The following TEX9 variants were observed in gnomAD, a reference collection of about 807,000 sequenced individuals.
TEX9 encodes the protein testis expressed 9, also known as testis-expressed protein 9.
TEX9 carries 74 observed loss-of-function variants against 59.6 expected under a neutral mutation model. The observed-to-expected ratio is 1.24, with a 90% confidence interval of 1.03 to 1.51. The LOEUF (loss-of-function observed/expected upper bound fraction) is 1.51. TEX9 is among the 40% of genes most tolerant of loss of function. The probability of loss-of-function intolerance (pLI) is 0.00; values close to 1 mark genes in which losing one functional copy is unlikely to be tolerated. For synonymous variants in TEX9, 186 were observed against 152.2 expected (o/e 1.22, Z -1.64); for missense variants, 522 against 447.8 (o/e 1.17, Z -1.49).
At chr15:56,447,922 G>A (rs2050919878), downstream of TEX9, among the ~76,000 whole-genome samples, 1 of 151,978 alleles carries the variant, frequency 6.6e-6, no homozygotes, top group Non-Finnish European at 1.5e-5. Flanking sequence ...ATTTTTCTCT[G>A]GCTTCTTTCA....
intron 1 of TEX9, among the ~76,000 whole-genome samples, chr15:56,279,735 T>C (rs1216112690): frequency 6.6e-6 from 1 of 152,200 alleles, no homozygotes; most frequent in East Asian, 1.9e-4. Flanking sequence ...AAAAGGTATG[T>C]ATTCATATTT....
At position 56,245,874 on chromosome 15, in the gene TEX9, G is replaced by A. The variant is rs563589464; in HGVS notation, c.-107+1596G>A. Reference sequence around the variant, plus strand: ...ATCTTGAATGTAGGTATATATATACGTGTGTGTGTGTATGCCCTATATCAC... The same window carrying A: ...ATCTTGAATGTAGGTATATATATACATGTGTGTGTGTATGCCCTATATCAC... On this transcript the variant is annotated intron_variant, in intron 1 of 5. Coordinates refer to the TEX9 transcript ENST00000560827. Among the ~76,000 whole-genome samples, 35 of 151,954 alleles carry A rather than the reference G, an allele frequency of 2.3e-4. No individual in the cohort carries two copies. In the South Asian group the frequency reaches 4.4e-3, roughly 19 times the overall value.
chr15:56,372,396 A>G (rs1419345625), intron 2 of TEX9, among the ~76,000 whole-genome samples: 1 of 152,126 alleles, frequency 6.6e-6, no homozygotes, highest in Non-Finnish European at 1.5e-5. Context: ...CAAGATATCT[A>G]ATTTTTAAAA....
intron 3 of TEX9, among the ~76,000 whole-genome samples, chr15:56,377,975 A>G (rs1416026462): frequency 6.6e-6 from 1 of 152,152 alleles, no homozygotes; most frequent in Non-Finnish European, 1.5e-5. Flanking sequence ...AGTTGAAATG[A>G]TCATATGGTT....
chr15:56,456,845 A>G, the TEX9 span, among the ~76,000 whole-genome samples: 1 of 151,954 alleles, frequency 6.6e-6, no homozygotes, highest in Non-Finnish European at 1.5e-5. Context: ...TTTTTCTGCT[A>G]GGGTGTTTTA....
chr15:56,331,613 G>T (rs1257308301), intron 1 of TEX9, among the ~76,000 whole-genome samples: 2 of 151,906 alleles, frequency 1.3e-5, no homozygotes, highest in African/African-American at 2.4e-5. Context: ...AAATAATAAT[G>T]GAAACACACC....
chr15:56,333,749 A>G (rs1392143179), intron 1 of TEX9, among the ~76,000 whole-genome samples: 1 of 152,212 alleles, frequency 6.6e-6, no homozygotes, highest in Non-Finnish European at 1.5e-5. Flanking sequence ...TTGTTTGCAG[A>G]TGATATGATC....
intron 9 of TEX9, chr15:56,396,366 A>T (rs182937200): frequency 2.6e-5 from 4 of 152,274 alleles, no homozygotes; most frequent in Admixed American, 6.5e-5. Flanking sequence ...GAGTTTTGAC[A>T]AATGTATGCA....
Position 56,320,907 on chromosome 15 carries a change from A to G in TEX9, c.-106-52534A>G, listed in dbSNP as rs931581757. 3.9e-5 allele frequency among the ~76,000 whole-genome samples: 6 copies of G among 152,318 alleles called. 1 individual carries two copies. The South Asian group carries it at 1.2e-3, about 32-fold the overall frequency. ...AATATTGTGAAGAGTGGCTGGAACC[A>G]GGAAATAAAGACAGTACATTTCCAC... On this transcript the variant is annotated intron_variant, in intron 1 of 5. Coordinates refer to the TEX9 transcript ENST00000560827.
chr15:56,283,389 C>T (rs1398506049), intron 1 of TEX9, among the ~76,000 whole-genome samples: 1 of 152,040 alleles, frequency 6.6e-6, no homozygotes, highest in Admixed American at 6.6e-5. Context: ...GATATTAAAG[C>T]ATATTATAAC....
chr15:56,390,721 T>C lies in TEX9; in HGVS notation c.396-522T>C, dbSNP rs1567117027. Among the ~76,000 whole-genome samples the C allele has an allele frequency of 5.3e-5, 8 of 152,228 alleles. No individual in the cohort carries two copies. In the South Asian group the frequency reaches 1.7e-3, roughly 32 times the overall value. On this transcript the variant is annotated intron_variant, in intron 6 of 12. Coordinates refer to ENST00000352903, the Ensembl canonical transcript of TEX9. ...GTTTCTTTGGGTGGAAAAAATGTTG[T>C]TTGATTGAGCTATTAGCTCTTCACT...
intron 10 of TEX9, among the ~76,000 whole-genome samples, chr15:56,425,001 G>A (rs771565385): frequency 3.3e-5 from 5 of 152,152 alleles, no homozygotes; most frequent in Admixed American, 6.6e-5. Flanking sequence ...ATTTTTGAAG[G>A]ACACTTTGCT....
At chr15:56,276,991 C>T (rs553820687) in intron 1 of TEX9, among the ~76,000 whole-genome samples, 74 of 150,160 alleles carry the variant, frequency 4.9e-4, no homozygotes, top group Middle Eastern at 3.4e-3. Flanking sequence ...TCATATCCTT[C>T]GCCCAGTTTT....
the TEX9 span, chr15:56,456,630 A>T: frequency 9.7e-7 from 1 of 1,030,588 alleles, no homozygotes; most frequent in East Asian, 2.6e-5. Context: ...CCAACAATTG[A>T]TGATGTTTTA....
the TEX9 span, among the ~76,000 whole-genome samples, chr15:56,460,001 A>ATATATATATAT: frequency 2.9e-5 from 1 of 33,900 alleles, no homozygotes; most frequent in African/African-American, 1.1e-4. Context: ...AAAAAAAAAA[A>ATATATATATAT]AAAAAAAAAT....
chr15:56,342,448 A>T (rs2046390071), intron 1 of TEX9, among the ~76,000 whole-genome samples: 1 of 152,088 alleles, frequency 6.6e-6, no homozygotes, highest in African/African-American at 2.4e-5. Flanking sequence ...TGCAACAAGA[A>T]ACTTCTATCA....
At chr15:56,350,067 C>G (rs2046548473) in intron 1 of TEX9, among the ~76,000 whole-genome samples, 2 of 152,000 alleles carry the variant, frequency 1.3e-5, no homozygotes, top group African/African-American at 2.4e-5. Context: ...TGCTTATAGT[C>G]CTTATATTGT....
intron 7 of TEX9, chr15:56,393,568 T>G (rs1339200211): frequency 2.6e-5 from 4 of 152,200 alleles, no homozygotes; most frequent in Admixed American, 2.6e-4. Flanking sequence ...AAGTTCAGTT[T>G]TCACTTTATT....
the TEX9 span, among the ~76,000 whole-genome samples, chr15:56,452,633 C>G: frequency 7.9e-5 from 12 of 151,916 alleles, no homozygotes; most frequent in African/African-American, 2.7e-4. Context: ...ATTATCCTGC[C>G]TCAGCCTCCC....
Sources: gnomAD v4.1 joint callset for allele counts (sites outside exome capture counted in the v4.1 genomes callset) on GRCh38, gnomAD v4.1.1 for gene constraint, MANE v1.5 for transcripts, NCBI Gene and HGNC (gene_info 2026-07-23, HGNC 2026-07-21) for gene names.